ETNK1: variants seen among roughly 807,000 people sequenced by gnomAD.
ETNK1 encodes the protein ethanolamine kinase 1, also known as putative protein product of Nbla10396.
Under a neutral mutation model 45.1 loss-of-function variants are expected in ETNK1, and 8 were observed. That is an observed-to-expected ratio of 0.18 (90% CI 0.10 to 0.32). The LOEUF (loss-of-function observed/expected upper bound fraction) is 0.32. ETNK1 is among the 10% of genes least tolerant of loss of function. The pLI, the probability that ETNK1 is intolerant of heterozygous loss-of-function variation, is 1.00. For missense variants in ETNK1, 302 were observed against 430.6 expected (o/e 0.70, Z 2.64); for synonymous variants, 152 against 151.9 (o/e 1.00, Z -0.01).
At chr12:22,642,376 C>T (rs1953750568) in intron 1 of ETNK1, among the ~76,000 whole-genome samples, 1 of 151,858 alleles carries the variant, frequency 6.6e-6, no homozygotes. Context: ...AGTATATATT[C>T]TTCCTGACAG....
At chr12:22,629,841 G>A (rs962882428) in intron 1 of ETNK1, among the ~76,000 whole-genome samples, 1 of 152,118 alleles carries the variant, frequency 6.6e-6, no homozygotes, top group African/African-American at 2.4e-5. Flanking sequence ...TATATTCAGT[G>A]TAACTTTTAA....
At chr12:22,673,783 A>T in intron 6 of ETNK1, 123 bp downstream of exon 6, 1 of 991,176 alleles carries the variant, frequency 1.0e-6, no homozygotes. Flanking sequence ...AAATAATGTA[A>T]ATACATGACC....
At chr12:22,666,587 C>A (rs982538996) in intron 4 of ETNK1, among the ~76,000 whole-genome samples, 3 of 152,094 alleles carry the variant, frequency 2.0e-5, no homozygotes, top group Non-Finnish European at 4.4e-5. Context: ...TTCATTTCTC[C>A]TGCTGTCCCC....
rs760680188 is a variant in ETNK1, at chr12:22,625,487, C to G, written c.57C>G (p.Val19=). 3.7e-6 allele frequency: 6 copies of G among 1,605,602 alleles called. No individual in the cohort carries two copies. In the African/African-American group the frequency reaches 8.0e-5, roughly 21 times the overall value. ...CCCCGGAGGTGCCCAAGCTGAACGTCACCGTTCAGGATCAGGAGGAGCATC... is the reference window on the plus strand; with the variant it reads ...CCCCGGAGGTGCCCAAGCTGAACGTGACCGTTCAGGATCAGGAGGAGCATC... ...PGSPEVPKLN[V]TVQDQEEHRC... Residue 19 remains valine, a synonymous_variant, in exon 1 of 8, where the codon GTC becomes GTG. Coordinates refer to ENST00000266517, the MANE Select transcript of ETNK1 (RefSeq NM_018638.5).
At chr12:22,629,979 A>G (rs1241632079) in intron 1 of ETNK1, among the ~76,000 whole-genome samples, 3 of 152,158 alleles carry the variant, frequency 2.0e-5, no homozygotes, top group Non-Finnish European at 2.9e-5. Flanking sequence ...GCTCCCATGT[A>G]TTTTATTAAG....
intron 1 of ETNK1, among the ~76,000 whole-genome samples, chr12:22,640,064 A>G (rs1479504568): frequency 6.6e-6 from 1 of 152,204 alleles, no homozygotes; most frequent in Non-Finnish European, 1.5e-5. Flanking sequence ...TTAAGCAATT[A>G]AAAAGTAGAC....
chr12:22,650,536 A>G (rs1953862013), intron 2 of ETNK1, among the ~76,000 whole-genome samples: 1 of 151,960 alleles, frequency 6.6e-6, no homozygotes. Flanking sequence ...CGATAGGTTC[A>G]TGTGATTTTT....
intron 2 of ETNK1, among the ~76,000 whole-genome samples, chr12:22,652,540 T>C (rs529247933): frequency 6.6e-6 from 1 of 152,322 alleles, no homozygotes; most frequent in South Asian, 2.1e-4. Flanking sequence ...GTAGTAACCA[T>C]TCTAATGGAT....
chr12:22,662,230 G>C (rs1219644611), intron 4 of ETNK1, among the ~76,000 whole-genome samples: 2 of 149,032 alleles, frequency 1.3e-5, no homozygotes, highest in Admixed American at 6.7e-5. Context: ...ACCATGCCCG[G>C]CTAATTTTTG....
intron 6 of ETNK1, among the ~76,000 whole-genome samples, chr12:22,679,813 G>A (rs1445654411): frequency 6.6e-6 from 1 of 151,320 alleles, no homozygotes. Context: ...CAGTTCTCTG[G>A]CCTCAGTAGC....
chr12:22,627,631 A>G (rs1953521025), intron 1 of ETNK1, among the ~76,000 whole-genome samples: 1 of 152,112 alleles, frequency 6.6e-6, no homozygotes, highest in African/African-American at 2.4e-5. Flanking sequence ...TTGAGATTTT[A>G]CTGTATTTCC....
intron 5 of ETNK1, 65 bp from the exon 6 acceptor site, chr12:22,673,435 T>A (rs1333151319): frequency 1.6e-6 from 2 of 1,277,724 alleles, no homozygotes; most frequent in Non-Finnish European, 2.1e-6. Flanking sequence ...GTTTTAGGGA[T>A]TATTAAGGTA....
At chr12:22,638,051 CA>C (rs61218845) in intron 1 of ETNK1, among the ~76,000 whole-genome samples, 8 of 148,382 alleles carry the variant, frequency 5.4e-5, no homozygotes, top group Admixed American at 2.7e-4. Context: ...ATAAAAATTA[CA>C]AAAAAAAAGC....
chr12:22,649,453 A>G (rs1041956107), intron 2 of ETNK1, among the ~76,000 whole-genome samples: 7 of 152,098 alleles, frequency 4.6e-5, no homozygotes, highest in Admixed American at 1.3e-4. Flanking sequence ...GTTGTTCAGC[A>G]CAATTTATTG....
At chr12:22,629,562 A>G (rs963286445) in intron 1 of ETNK1, among the ~76,000 whole-genome samples, 2 of 152,108 alleles carry the variant, frequency 1.3e-5, no homozygotes, top group Non-Finnish European at 2.9e-5. Flanking sequence ...TTTGCCTTAA[A>G]GGAAGAAGAA....
chr12:22,661,641 G>A (rs1174534237), intron 4 of ETNK1, among the ~76,000 whole-genome samples: 2 of 152,098 alleles, frequency 1.3e-5, no homozygotes, highest in African/African-American at 4.8e-5. Flanking sequence ...AAAAACAAAT[G>A]TGTCTCCAGG....
rs921014496 is a variant in ETNK1 at position 22,689,129 on chromosome 12, T to G, written c.*4175T>G. Reference sequence around the variant, plus strand: ...TTAATAAGATGTATTACATAATGAATTAGATTTCTCTGAACAGTTTTTACA... The same window carrying G: ...TTAATAAGATGTATTACATAATGAAGTAGATTTCTCTGAACAGTTTTTACA... On this transcript the variant is annotated 3_prime_UTR_variant, in exon 8 of 8. Transcript: ENST00000266517. The G allele has an allele frequency of 6.6e-6, 1 of 151,950 alleles. No individual in the cohort carries two copies. Among genetic ancestry groups the G allele is most frequent in the Non-Finnish European group, 1.5e-5 (1 of 67,822 alleles). 9.4% of individuals were successfully genotyped at this position (151,950 alleles called of 1,614,324 possible).
At chr12:22,671,448 A>C in intron 5 of ETNK1, 93 bp downstream of exon 5, 1 of 855,208 alleles carries the variant, frequency 1.2e-6, no homozygotes, top group Admixed American at 2.1e-5. Flanking sequence ...GAGCAGGGGG[A>C]ACATTTTCCC....
At chr12:22,659,230 A>G in intron 3 of ETNK1, 76 bp downstream of exon 3, 1 of 1,388,878 alleles carries the variant, frequency 7.2e-7, no homozygotes, top group Non-Finnish European at 9.7e-7. Context: ...GTAATTGTAA[A>G]GTTTCATTGT....
Sources: allele counts gnomAD v4.1 joint callset (sites outside exome capture counted in the v4.1 genomes callset), GRCh38; gene constraint gnomAD v4.1.1; transcripts MANE v1.5; gene names NCBI Gene and HGNC (gene_info 2026-07-23, HGNC 2026-07-21).